EIF4G3: variants seen among roughly 807,000 people sequenced by gnomAD.
The protein encoded by EIF4G3 is eIF-4-gamma 3.
Under a neutral mutation model 186.4 loss-of-function variants are expected in EIF4G3, and 34 were observed. The observed-to-expected ratio is 0.18, with a 90% CI of 0.14 to 0.24. The LOEUF (loss-of-function observed/expected upper bound fraction) is 0.24, where lower values mean the gene tolerates loss of function less well. EIF4G3 is among the 10% of genes least tolerant of loss of function. EIF4G3 has a pLI of 1.00. For missense variants in EIF4G3, 1,536 were observed against 1,948.5 expected, an observed-to-expected ratio of 0.79 and a Z score of 3.99; for synonymous variants, 673 against 679.5, an observed-to-expected ratio of 0.99 and a Z score of 0.15.
At chr1:20,864,421 C>A (rs990179962) in intron 22 of EIF4G3, 55 bp downstream of exon 22, 59 of 1,299,164 alleles carry the variant, frequency 4.5e-5, no homozygotes, top group Non-Finnish European at 6.1e-5. Flanking sequence ...AGTCTAAGTT[C>A]TTTTGCAACT....
chr1:21,074,048 G>T (rs1557831033), intron 3 of EIF4G3, among the ~76,000 whole-genome samples: 1 of 151,908 alleles, frequency 6.6e-6, no homozygotes, highest in Non-Finnish European at 1.5e-5. Context: ...ACCATAGATG[G>T]TATTGAACAA....
chr1:20,870,967 A>C (rs953168077), intron 20 of EIF4G3, among the ~76,000 whole-genome samples: 1 of 152,168 alleles, frequency 6.6e-6, no homozygotes, highest in East Asian at 1.9e-4. Context: ...GGATATGTAC[A>C]TATGTATCTG....
At chr1:20,957,949 T>C (rs183069907) in intron 12 of EIF4G3, among the ~76,000 whole-genome samples, 161 of 152,226 alleles carry the variant, frequency 1.1e-3, no homozygotes, top group African/African-American at 3.6e-3. Flanking sequence ...GATGGATTCA[T>C]GGCTAAATTC....
At chr1:21,077,114 C>G (rs2100630238) in intron 3 of EIF4G3, among the ~76,000 whole-genome samples, 1 of 152,134 alleles carries the variant, frequency 6.6e-6, no homozygotes, top group South Asian at 2.1e-4. Context: ...GAAAAAAATC[C>G]AATTTAAAAA....
At chr1:21,165,180 C>G (rs903093548) in intron 2 of EIF4G3, among the ~76,000 whole-genome samples, 1 of 152,158 alleles carries the variant, frequency 6.6e-6, no homozygotes, top group African/African-American at 2.4e-5. Context: ...CAAATAATGA[C>G]AGGTGTTGGC....
At chr1:20,996,389 T>G (rs972399643) in intron 7 of EIF4G3, among the ~76,000 whole-genome samples, 1 of 152,146 alleles carries the variant, frequency 6.6e-6, no homozygotes, top group South Asian at 2.1e-4. Flanking sequence ...AAAAATACCC[T>G]GAGGTTTTAT....
Position 21,002,794 on chromosome 1 carries a change from A to G in EIF4G3, c.-52T>C, listed in dbSNP as rs201131102. 5.9e-4 allele frequency: 943 copies of G among 1,600,998 alleles called. 1 individual carries two copies. The highest frequency in any genetic ancestry group is 7.2e-4 in the Non-Finnish European group (844 of 1,168,966). On this transcript the variant is annotated 5_prime_UTR_variant, in exon 5 of 37. Transcript: ENST00000602326. ...GCGTGGTTGGACCTGCATTCTGTCC[A>G]GAGGGATAAGGGGTCTGTCAAAAAA...
chr1:20,908,620 T>C (rs962421405), intron 14 of EIF4G3, among the ~76,000 whole-genome samples: 1 of 152,274 alleles, frequency 6.6e-6, no homozygotes, highest in Admixed American at 6.5e-5. Context: ...ATACAAGTCA[T>C]CCCCATAAAT....
At chr1:20,991,570 A>T (rs2081125663) in intron 7 of EIF4G3, among the ~76,000 whole-genome samples, 2 of 41,676 alleles carry the variant, frequency 4.8e-5, no homozygotes, top group Non-Finnish European at 6.7e-5. Context: ...TCTGTCTCAT[A>T]AAAAAAAAAA....
intron 17 of EIF4G3, 57 bp downstream of exon 17, chr1:20,895,311 A>G: frequency 4.5e-6 from 7 of 1,560,188 alleles, no homozygotes; most frequent in Middle Eastern, 1.7e-4. Context: ...ATTTGCTCTT[A>G]TAGTTAAAAT....
At chr1:20,814,342 GTTCTATGTGCAAATATTTGAAT>G (rs2059914989) in intron 34 of EIF4G3, among the ~76,000 whole-genome samples, 1 of 152,178 alleles carries the variant, frequency 6.6e-6, no homozygotes, top group Admixed American at 6.5e-5. Flanking sequence ...GCTATTGCCA[GTTCTATGTGCAAATATTTGAAT>G]TAGCAGTATT....
At chr1:20,897,250 C>G (rs1003299566) in intron 16 of EIF4G3, among the ~76,000 whole-genome samples, 1 of 151,956 alleles carries the variant, frequency 6.6e-6, no homozygotes, top group Admixed American at 6.6e-5. Flanking sequence ...ACTAAGTAAC[C>G]TTTGGCCAGG....
chr1:20,981,376 G>T, intron 8 of EIF4G3, 149 bp from the exon 9 acceptor site: 1 of 612,886 alleles, frequency 1.6e-6, no homozygotes, highest in Non-Finnish European at 2.7e-6. Flanking sequence ...ACCTATTGCT[G>T]GGTTCCCAAA....
intron 4 of EIF4G3, among the ~76,000 whole-genome samples, chr1:21,032,892 C>T (rs1304643231): frequency 6.6e-6 from 1 of 152,170 alleles, no homozygotes; most frequent in Non-Finnish European, 1.5e-5. Context: ...GAAATGAATT[C>T]TTTTCCTTAT....
At chr1:20,843,184 T>A (rs2069343347) in intron 29 of EIF4G3, among the ~76,000 whole-genome samples, 1 of 151,912 alleles carries the variant, frequency 6.6e-6, no homozygotes, top group South Asian at 2.1e-4. Context: ...AACATCATTG[T>A]TATGCCTTTT....
At chr1:21,025,985 T>C (rs1215994630) in intron 4 of EIF4G3, among the ~76,000 whole-genome samples, 1 of 152,124 alleles carries the variant, frequency 6.6e-6, no homozygotes, top group Non-Finnish European at 1.5e-5. Context: ...CCAAAGTGAC[T>C]TACAGATTCA....
At chr1:20,812,859 C>T (rs183174356) in intron 35 of EIF4G3, among the ~76,000 whole-genome samples, 6 of 152,104 alleles carry the variant, frequency 3.9e-5, no homozygotes, top group Admixed American at 6.5e-5. Context: ...AAGGAGGAGG[C>T]GGCCCTGAAT....
At chr1:21,173,643 A>T (rs1413761501) in intron 2 of EIF4G3, among the ~76,000 whole-genome samples, 1 of 152,090 alleles carries the variant, frequency 6.6e-6, no homozygotes, top group Admixed American at 6.6e-5. Context: ...AGCCGAGATT[A>T]CACCACTGCA....
At chr1:20,904,079 G>C (rs983180958) in intron 15 of EIF4G3, among the ~76,000 whole-genome samples, 2 of 152,024 alleles carry the variant, frequency 1.3e-5, no homozygotes. Context: ...TCATCTCTTG[G>C]ACTTGGTATG....
Sources: allele counts gnomAD v4.1 joint callset (sites outside exome capture counted in the v4.1 genomes callset), GRCh38; gene constraint gnomAD v4.1.1; transcripts MANE v1.5; gene names NCBI Gene and HGNC (gene_info 2026-07-23, HGNC 2026-07-21).